Variants in TPO observed in about 807,000 individuals in gnomAD.
The protein encoded by TPO is thyroid peroxidase.
In TPO, 78 loss-of-function variants were observed where a neutral mutation model predicts 96.9. The observed-to-expected ratio is 0.81, with a 90% CI of 0.67 to 0.97. The LOEUF is 0.97. TPO is among the 50% of genes least tolerant of loss of function. The probability of loss-of-function intolerance (pLI) is 0.00; values close to 1 mark genes in which losing one functional copy is unlikely to be tolerated. For missense variants in TPO, 1,252 were observed against 1,274.8 expected (o/e 0.98, Z 0.27); for synonymous variants, 547 against 538.0 (o/e 1.02, Z -0.23).
At chr2:1,428,277 C>T (rs1216873859) in intron 3 of TPO, among the ~76,000 whole-genome samples, 1 of 152,198 alleles carries the variant, frequency 6.6e-6, no homozygotes, top group Non-Finnish European at 1.5e-5. Context: ...TGGGAAATAG[C>T]AGCAGATGAA....
intron 5 of TPO, among the ~76,000 whole-genome samples, chr2:1,453,339 C>A (rs1312622112): frequency 1.3e-5 from 2 of 152,166 alleles, no homozygotes; most frequent in Non-Finnish European, 2.9e-5. Context: ...GTTTGGAGTA[C>A]CAGAAGTTTC....
chr2:1,515,279 G>C (rs964962289), intron 14 of TPO, among the ~76,000 whole-genome samples: 9 of 152,160 alleles, frequency 5.9e-5, no homozygotes, highest in Admixed American at 3.9e-4. Context: ...CCTCTTTCTG[G>C]ATGCAGGAGG....
chr2:1,432,429 G>A (rs1665071791), intron 3 of TPO, among the ~76,000 whole-genome samples: 2 of 152,214 alleles, frequency 1.3e-5, no homozygotes, highest in South Asian at 2.1e-4. Flanking sequence ...CTGCTGCTGA[G>A]AATCTAAAAA....
chr2:1,430,622 C>A (rs1221344154), intron 3 of TPO, among the ~76,000 whole-genome samples: 4 of 152,240 alleles, frequency 2.6e-5, no homozygotes, highest in Non-Finnish European at 2.9e-5. Flanking sequence ...GTGCTCAACT[C>A]CAACCCATGA....
intron 1 of TPO, among the ~76,000 whole-genome samples, chr2:1,392,436 A>G (rs890672903): frequency 6.6e-6 from 1 of 152,146 alleles, no homozygotes; most frequent in Non-Finnish European, 1.5e-5. Flanking sequence ...TTGCATCTAT[A>G]TTCATCAGGG....
At chr2:1,521,121 A>G (rs746074812) in intron 15 of TPO, among the ~76,000 whole-genome samples, 3 of 152,162 alleles carry the variant, frequency 2.0e-5, no homozygotes, top group Non-Finnish European at 4.4e-5. Context: ...TTTTGTATTG[A>G]TATTCCTACC....
intron 3 of TPO, among the ~76,000 whole-genome samples, chr2:1,425,519 T>A (rs889391054): frequency 2.6e-5 from 4 of 152,044 alleles, no homozygotes; most frequent in African/African-American, 9.7e-5. Context: ...AAAGTCATCG[T>A]TCTAGATGCC....
In TPO at chr2:1,471,452, A is replaced by C. The variant is rs564234301; in HGVS notation, c.820-5634A>C. 6.8e-5 allele frequency among the ~76,000 whole-genome samples: 10 copies of C among 148,062 alleles called. No homozygotes were observed. The East Asian group carries it at 1.7e-3, about 25-fold the overall frequency. Reference sequence around the variant, plus strand: ...GTATTTTCCTGTGACCCCCCCCCACAAATTTTGATACATGGTCCTTACATT... The same window carrying C: ...GTATTTTCCTGTGACCCCCCCCCACCAATTTTGATACATGGTCCTTACATT... On this transcript the variant is annotated intron_variant, in intron 7 of 16. Coordinates refer to ENST00000329066, the MANE Select transcript of TPO (RefSeq NM_001206744.2).
chr2:1,494,084 G>C, intron 11 of TPO, 45 bp downstream of exon 11: 1 of 1,594,542 alleles, frequency 6.3e-7, no homozygotes. Context: ...CTGCACAGAG[G>C]CAGGTGGTCT....
chr2:1,490,452 T>C (rs1671667089), intron 10 of TPO, among the ~76,000 whole-genome samples: 1 of 146,312 alleles, frequency 6.8e-6, no homozygotes, highest in Non-Finnish European at 1.5e-5. Context: ...GACACAGCAG[T>C]GTAAGAGCCG....
intron 9 of TPO, among the ~76,000 whole-genome samples, chr2:1,487,010 T>C (rs1295520485): frequency 2.6e-5 from 4 of 152,198 alleles, no homozygotes; most frequent in African/African-American, 9.7e-5. Flanking sequence ...AAACCGATCC[T>C]TTAAAGACTC....
At chr2:1,401,465 C>T (rs532065886) in intron 1 of TPO, among the ~76,000 whole-genome samples, 1 of 152,254 alleles carries the variant, frequency 6.6e-6, no homozygotes, top group South Asian at 2.1e-4. Context: ...TTGGTTTGCT[C>T]ACTCAAGAAC....
chr2:1,505,506 CA>C (rs199674825), intron 14 of TPO, among the ~76,000 whole-genome samples: 3 of 135,564 alleles, frequency 2.2e-5, no homozygotes, highest in African/African-American at 5.7e-5. Context: ...GGCACACCCC[CA>C]CCACCATCCT....
intron 3 of TPO, among the ~76,000 whole-genome samples, chr2:1,426,214 G>A (rs1395004994): frequency 6.8e-6 from 1 of 146,348 alleles, no homozygotes; most frequent in Non-Finnish European, 1.5e-5. Context: ...CTTCCGTAAA[G>A]TCATTGTTCT....
chr2:1,503,038 G>C (rs959076140), intron 13 of TPO, among the ~76,000 whole-genome samples: 1 of 152,208 alleles, frequency 6.6e-6, no homozygotes, highest in Non-Finnish European at 1.5e-5. Context: ...TCATCGTCCT[G>C]GGGTGGCCGA....
At position 1,542,485 on chromosome 2, in the gene TPO, G is replaced by C; in HGVS notation, c.*11G>C. On this transcript the variant is annotated 3_prime_UTR_variant, in exon 17 of 17. Transcript: ENST00000329066. Reference sequence around the variant, plus strand: ...CCGAGAGCCCTCTGAGGGCAAAGTGGCAGGACACTGCAGAACAGCTTCATG... The same window carrying C: ...CCGAGAGCCCTCTGAGGGCAAAGTGCCAGGACACTGCAGAACAGCTTCATG... The C allele has an allele frequency of 6.2e-7, 1 of 1,614,092 alleles. No homozygotes were observed. Among genetic ancestry groups the C allele is most frequent in the Non-Finnish European group, 8.5e-7 (1 of 1,180,014 alleles).
At chr2:1,446,820 A>G (rs1666869013) in intron 5 of TPO, among the ~76,000 whole-genome samples, 1 of 152,218 alleles carries the variant, frequency 6.6e-6, no homozygotes, top group African/African-American at 2.4e-5. Context: ...TTTCATGGAA[A>G]GAAAACTTTT....
chr2:1,540,974 T>C, intron 16 of TPO: 2 of 1,463,410 alleles, frequency 1.4e-6, no homozygotes, highest in Non-Finnish European at 1.8e-6. Context: ...AAGGGCTCAC[T>C]TTCAGGCGTT....
rs575907139 is a variant in TPO at position 1,496,443 on chromosome 2, G to C, written c.2216-152G>C. Reference sequence around the variant, plus strand: ...CCCGATCTGGGAAGAGGCCGTGTGTGCTGCGTGGGTGCTCAGTGAGTGACC... The same window carrying C: ...CCCGATCTGGGAAGAGGCCGTGTGTCCTGCGTGGGTGCTCAGTGAGTGACC... On this transcript the variant is annotated intron_variant, in intron 12 of 16. Transcript: ENST00000329066. 380 of 1,152,850 alleles carry C rather than the reference G, an allele frequency of 3.3e-4. 3 individuals carry two copies. The highest frequency in any genetic ancestry group is 1.7e-4 in the East Asian group (7 of 41,034). 71.4% of individuals were successfully genotyped at this position (1,152,850 alleles called of 1,614,324 possible).
Sources: gnomAD v4.1 joint callset for allele counts (sites outside exome capture counted in the v4.1 genomes callset) on GRCh38, gnomAD v4.1.1 for gene constraint, MANE v1.5 for transcripts, NCBI Gene and HGNC (gene_info 2026-07-23, HGNC 2026-07-21) for gene names.